The following GALNT13 variants were observed in gnomAD, a reference collection of about 807,000 sequenced individuals.
GALNT13 encodes the protein polypeptide N-acetylgalactosaminyltransferase 13.
In GALNT13, 28 loss-of-function variants were observed where a neutral mutation model predicts 64.2. That is an observed-to-expected ratio of 0.44 (90% CI 0.32 to 0.60). GALNT13 has a LOEUF of 0.60. Ranked by LOEUF, GALNT13 falls within the 20% of genes least tolerant of loss-of-function variation. The pLI is 0.05. For synonymous variants in GALNT13, 214 were observed against 224.6 expected, an observed-to-expected ratio of 0.95 and a Z score of 0.42; for missense variants, 577 against 669.8, an observed-to-expected ratio of 0.86 and a Z score of 1.53.
At chr2:154,107,017 T>TG (rs201959850) in intron 3 of GALNT13, among the ~76,000 whole-genome samples, 10,904 of 152,140 alleles carry the variant, frequency 0.072, 463 homozygotes, top group Middle Eastern at 0.14. Flanking sequence ...ACAGCTGGTT[T>TG]TTTTTGTTTT....
the GALNT13 span, among the ~76,000 whole-genome samples, chr2:153,276,132 A>G: frequency 6.6e-6 from 1 of 152,188 alleles, no homozygotes; most frequent in Admixed American, 6.5e-5. Flanking sequence ...TGCTTTTCTT[A>G]TGCATACTAT....
chr2:154,152,555 C>G (rs1389860316), intron 4 of GALNT13, among the ~76,000 whole-genome samples: 2 of 152,140 alleles, frequency 1.3e-5, no homozygotes, highest in Non-Finnish European at 2.9e-5. Flanking sequence ...CACCCCGTCA[C>G]TTTCAGGTAC....
At chr2:153,369,267 G>A in the GALNT13 span, among the ~76,000 whole-genome samples, 4 of 151,838 alleles carry the variant, frequency 2.6e-5, no homozygotes, top group African/African-American at 9.7e-5. Flanking sequence ...AATAAAAAGA[G>A]CTGACTAAAC....
the GALNT13 span, among the ~76,000 whole-genome samples, chr2:153,202,208 T>A: frequency 6.6e-6 from 1 of 151,728 alleles, no homozygotes; most frequent in Admixed American, 6.6e-5. Context: ...ATGGTCTCGA[T>A]CTCCTGACCT....
At chr2:153,320,966 G>C in the GALNT13 span, among the ~76,000 whole-genome samples, 2 of 152,086 alleles carry the variant, frequency 1.3e-5, no homozygotes, top group Non-Finnish European at 2.9e-5. Flanking sequence ...GAGTTGATAG[G>C]CTCTGTTTTA....
At chr2:153,831,884 T>C in the GALNT13 span, among the ~76,000 whole-genome samples, 4 of 152,190 alleles carry the variant, frequency 2.6e-5, no homozygotes, top group Admixed American at 6.5e-5. Flanking sequence ...TCTTGTTCTA[T>C]ACTCGTGTGA....
the GALNT13 span, among the ~76,000 whole-genome samples, chr2:153,864,828 C>G: frequency 6.7e-6 from 1 of 148,414 alleles, no homozygotes; most frequent in Non-Finnish European, 1.5e-5. Flanking sequence ...TCATATGGAA[C>G]CAAAAAAGAG....
chr2:154,449,272 T>A (rs1701749088), intron 12 of GALNT13, among the ~76,000 whole-genome samples: 1 of 151,786 alleles, frequency 6.6e-6, no homozygotes, highest in African/African-American at 2.4e-5. Flanking sequence ...ACAAACCTAT[T>A]CTCCATTCCA....
the GALNT13 span, among the ~76,000 whole-genome samples, chr2:153,578,929 T>C: frequency 6.6e-6 from 1 of 152,214 alleles, no homozygotes; most frequent in Non-Finnish European, 1.5e-5. Context: ...AGCACTTATG[T>C]AATCATGGCC....
chr2:154,020,533 T>G (rs1008334109), intron 3 of GALNT13, among the ~76,000 whole-genome samples: 8 of 152,174 alleles, frequency 5.3e-5, no homozygotes, highest in Non-Finnish European at 8.8e-5. Flanking sequence ...TTTCGCCCAC[T>G]TTTTGATGGG....
chr2:154,003,842 T>A (rs1042507143), intron 3 of GALNT13, among the ~76,000 whole-genome samples: 1 of 152,150 alleles, frequency 6.6e-6, no homozygotes, highest in African/African-American at 2.4e-5. Flanking sequence ...TCTGTGACCA[T>A]GTAAGATGTG....
the GALNT13 span, among the ~76,000 whole-genome samples, chr2:153,734,619 G>A: frequency 6.6e-6 from 1 of 152,144 alleles, no homozygotes; most frequent in Non-Finnish European, 1.5e-5. Flanking sequence ...TCGATTGGCT[G>A]CAAAAGGGAT....
chr2:153,541,468 C>G, the GALNT13 span, among the ~76,000 whole-genome samples: 1 of 152,132 alleles, frequency 6.6e-6, no homozygotes, highest in African/African-American at 2.4e-5. Flanking sequence ...TTTCTCAAGG[C>G]ACCATAGAAA....
At chr2:154,163,391 A>G (rs1287269713) in intron 4 of GALNT13, among the ~76,000 whole-genome samples, 1 of 152,082 alleles carries the variant, frequency 6.6e-6, no homozygotes, top group Non-Finnish European at 1.5e-5. Flanking sequence ...AAATAGATGC[A>G]ATAAAAAATG....
chr2:154,214,556 T>A (rs964693092), intron 4 of GALNT13, among the ~76,000 whole-genome samples: 2 of 152,124 alleles, frequency 1.3e-5, no homozygotes, highest in African/African-American at 4.8e-5. Context: ...GTGGAGATAA[T>A]TGAATCATGG....
At chr2:153,419,121 C>T in the GALNT13 span, among the ~76,000 whole-genome samples, 2 of 152,314 alleles carry the variant, frequency 1.3e-5, no homozygotes, top group East Asian at 1.9e-4. Flanking sequence ...TTAATTGACT[C>T]ACAGTTCCTC....
chr2:153,394,194 C>T, the GALNT13 span, among the ~76,000 whole-genome samples: 1 of 152,052 alleles, frequency 6.6e-6, no homozygotes, highest in South Asian at 2.1e-4. Context: ...AGAACTCCAG[C>T]AACACTATGA....
chr2:154,394,519 G>A (rs1326832676), intron 9 of GALNT13, among the ~76,000 whole-genome samples: 2 of 152,058 alleles, frequency 1.3e-5, no homozygotes, highest in African/African-American at 4.8e-5. Context: ...ATTGAATTAA[G>A]TCCTCTGAAG....
chr2:154,423,640 C>T (rs1243774023), intron 11 of GALNT13, among the ~76,000 whole-genome samples: 1 of 152,076 alleles, frequency 6.6e-6, no homozygotes, highest in African/African-American at 2.4e-5. Context: ...TACATAGCCC[C>T]CAATTTCTTA....
Sources: gnomAD v4.1 joint callset for allele counts (sites outside exome capture counted in the v4.1 genomes callset) on GRCh38, gnomAD v4.1.1 for gene constraint, MANE v1.5 for transcripts, NCBI Gene and HGNC (gene_info 2026-07-23, HGNC 2026-07-21) for gene names.